TASP1: variants seen among roughly 807,000 people sequenced by gnomAD.
The protein encoded by TASP1 is threonine aspartase 1.
In TASP1, 16 loss-of-function variants were observed where a neutral mutation model predicts 56.6. The observed-to-expected ratio is 0.28, with a 90% CI of 0.19 to 0.43. The LOEUF is 0.43. TASP1 is among the 20% of genes least tolerant of loss of function. TASP1 has a pLI of 1.00. For synonymous variants in TASP1, 179 were observed against 184.2 expected (o/e 0.97, Z 0.23); for missense variants, 393 against 511.6 (o/e 0.77, Z 2.24).
chr20:13,419,137 G>C (rs1047153385), intron 12 of TASP1, among the ~76,000 whole-genome samples: 3 of 152,270 alleles, frequency 2.0e-5, no homozygotes, highest in African/African-American at 2.4e-5. Flanking sequence ...TAACTGTACT[G>C]TGATTATTTA....
the TASP1 span, among the ~76,000 whole-genome samples, chr20:13,192,402 C>T: frequency 4.6e-5 from 7 of 152,072 alleles, no homozygotes; most frequent in African/African-American, 1.4e-4. Flanking sequence ...TAGCCCAGTA[C>T]GGTGGCAGGT....
chr20:13,209,848 T>G, the TASP1 span, among the ~76,000 whole-genome samples: 1 of 152,220 alleles, frequency 6.6e-6, no homozygotes, highest in African/African-American at 2.4e-5. Context: ...CAGACTATTA[T>G]GCTTATTTCT....
At chr20:13,141,619 G>A in the TASP1 span, among the ~76,000 whole-genome samples, 1 of 152,188 alleles carries the variant, frequency 6.6e-6, no homozygotes, top group African/African-American at 2.4e-5. Flanking sequence ...GGCATTCAAG[G>A]CCCTTGGCAT....
chr20:13,393,854 A>G (rs1290751111), intron 13 of TASP1, among the ~76,000 whole-genome samples: 3 of 151,966 alleles, frequency 2.0e-5, no homozygotes, highest in Non-Finnish European at 4.4e-5. Context: ...GTATACCATG[A>G]ATAAAGTCCC....
At chr20:13,461,043 C>T (rs2044033649) in intron 11 of TASP1, among the ~76,000 whole-genome samples, 1 of 152,166 alleles carries the variant, frequency 6.6e-6, no homozygotes, top group Non-Finnish European at 1.5e-5. Context: ...CTTCCCCTTG[C>T]TCACACTGCT....
chr20:13,386,833 T>C (rs1239894871), downstream of TASP1, among the ~76,000 whole-genome samples: 2 of 152,210 alleles, frequency 1.3e-5, no homozygotes, highest in Non-Finnish European at 2.9e-5. Context: ...TCTAACATAT[T>C]GATATCCAAA....
chr20:13,593,849 G>C (rs573151284), intron 4 of TASP1, among the ~76,000 whole-genome samples: 5 of 152,292 alleles, frequency 3.3e-5, no homozygotes, highest in African/African-American at 4.8e-5. Flanking sequence ...AGAGAGCAGT[G>C]GTTCTCCCAG....
intron 11 of TASP1, among the ~76,000 whole-genome samples, chr20:13,452,807 A>G (rs2146301303): frequency 6.6e-6 from 1 of 152,248 alleles, no homozygotes; most frequent in East Asian, 1.9e-4. Flanking sequence ...CATGGTGCTG[A>G]GCAAACACTA....
At position 13,418,133 on chromosome 20, in the gene TASP1, A is replaced by C. The variant is rs552556340; in HGVS notation, c.1097-612T>G. Among the ~76,000 whole-genome samples the C allele has an allele frequency of 4.6e-5, 7 of 152,274 alleles. No homozygotes were observed. In the East Asian group the frequency reaches 1.4e-3, roughly 29 times the overall value. ...CACCATGTTGGCCAGGCTGGTCTCG[A>C]ACTCCTGACCTCAGGTGATCCACCC... On this transcript the variant is annotated intron_variant, in intron 12 of 13. Transcript: ENST00000337743.
intron 11 of TASP1, among the ~76,000 whole-genome samples, chr20:13,465,917 T>C (rs1231811552): frequency 6.6e-6 from 1 of 152,152 alleles, no homozygotes; most frequent in Non-Finnish European, 1.5e-5. Flanking sequence ...AGGGGTTCTG[T>C]ATCATGACTT....
At chr20:13,400,500 T>C (rs549846171) in intron 13 of TASP1, among the ~76,000 whole-genome samples, 1 of 152,342 alleles carries the variant, frequency 6.6e-6, no homozygotes, top group South Asian at 2.1e-4. Flanking sequence ...ATTAATTTTC[T>C]ATTTCAAATG....
intron 10 of TASP1, among the ~76,000 whole-genome samples, chr20:13,515,616 A>G (rs769591741): frequency 1.8e-4 from 28 of 152,132 alleles, no homozygotes; most frequent in South Asian, 8.3e-4. Context: ...GAATGCTGAG[A>G]AACAGGAGCC....
At chr20:13,267,856 T>A in the TASP1 span, among the ~76,000 whole-genome samples, 1 of 152,202 alleles carries the variant, frequency 6.6e-6, no homozygotes, top group East Asian at 1.9e-4. Context: ...GGCTATGAAG[T>A]TAGGGCTTGA....
chr20:13,367,801 A>G, the TASP1 span, among the ~76,000 whole-genome samples: 1 of 152,232 alleles, frequency 6.6e-6, no homozygotes, highest in Non-Finnish European at 1.5e-5. Flanking sequence ...AGAATGCTGA[A>G]GGAAGATTCC....
chr20:13,135,405 C>G, the TASP1 span, among the ~76,000 whole-genome samples: 1 of 152,082 alleles, frequency 6.6e-6, no homozygotes, highest in East Asian at 1.9e-4. Flanking sequence ...CTCCCATGAT[C>G]GTTACAATTT....
the TASP1 span, among the ~76,000 whole-genome samples, chr20:13,284,192 T>C: frequency 6.6e-6 from 1 of 152,208 alleles, no homozygotes; most frequent in African/African-American, 2.4e-5. Flanking sequence ...GACACTGTCA[T>C]CTAGGATTAG....
chr20:13,128,254 T>G, the TASP1 span, among the ~76,000 whole-genome samples: 1 of 152,190 alleles, frequency 6.6e-6, no homozygotes. Context: ...GTAGGAAGCA[T>G]CCTTATGACA....
intron 12 of TASP1, among the ~76,000 whole-genome samples, chr20:13,421,955 T>TA (rs201009305): frequency 4.1e-5 from 6 of 144,612 alleles, no homozygotes; most frequent in African/African-American, 1.5e-4. Flanking sequence ...TGTTTAACCT[T>TA]TTTTTTTTTT....
At chr20:13,429,226 G>A (rs1404258713) in intron 12 of TASP1, among the ~76,000 whole-genome samples, 1 of 152,212 alleles carries the variant, frequency 6.6e-6, no homozygotes, top group Non-Finnish European at 1.5e-5. Flanking sequence ...CACAAGGAAA[G>A]AGCAAATTAC....
Sources: gnomAD v4.1 joint callset for allele counts (sites outside exome capture counted in the v4.1 genomes callset) on GRCh38, gnomAD v4.1.1 for gene constraint, MANE v1.5 for transcripts, NCBI Gene and HGNC (gene_info 2026-07-23, HGNC 2026-07-21) for gene names.